Variants in CFAP97D2 observed in about 807,000 individuals in gnomAD.
CFAP97D2 encodes the protein CFAP97 domain containing 2, also known as uncharacterized protein CFAP97D2.
Position 114,211,808 on chromosome 13 carries a change from T to C in CFAP97D2, c.291-104T>C, listed in dbSNP as rs139247189. The C allele has an allele frequency of 9.4e-4, 375 of 397,580 alleles. 2 individuals carry two copies. Among genetic ancestry groups the C allele is most frequent in the African/African-American group, 7.0e-3 (341 of 48,738 alleles). 24.6% of individuals were successfully genotyped at this position (397,580 alleles called of 1,614,324 possible). A position where few individuals can be genotyped will look rare whatever the true frequency, so the allele number is the denominator to read the frequency against. On this transcript the variant is annotated intron_variant, in intron 3 of 4. Coordinates refer to ENST00000646158, the Ensembl canonical transcript of CFAP97D2. This position sits in a 1 kb window ranked among gnomAD's most constrained non-coding sequence, Gnocchi z 4.2. The stretch of plus-strand genomic sequence containing the variant: ...GTTCAGTGGGAAGCAGGAGCAACCC[T>C]CCACCCCGGGACCCCTTCCTGCTCT...
At chr13:114,180,087 G>A (rs1377270439) in intron 1 of CFAP97D2, among the ~76,000 whole-genome samples, 4 of 152,260 alleles carry the variant, frequency 2.6e-5, no homozygotes, top group Admixed American at 2.6e-4. Flanking sequence ...TCGCCATGCA[G>A]ATCTGAGGTG....
intron 4 of CFAP97D2, among the ~76,000 whole-genome samples, chr13:114,212,629 A>G (rs2080972570): frequency 6.6e-6 from 1 of 152,104 alleles, no homozygotes; most frequent in African/African-American, 2.4e-5. Context: ...GCGGGTGGAT[A>G]ACGATGTCAG....
chr13:114,180,078 C>T (rs765724512), intron 1 of CFAP97D2, among the ~76,000 whole-genome samples: 20 of 152,232 alleles, frequency 1.3e-4, no homozygotes, highest in African/African-American at 1.7e-4. Context: ...TTGAGGGCAT[C>T]GCCATGCAGA....
At chr13:114,195,028 A>T (rs1353569323) in intron 1 of CFAP97D2, among the ~76,000 whole-genome samples, 1 of 152,050 alleles carries the variant, frequency 6.6e-6, no homozygotes, top group African/African-American at 2.4e-5. Flanking sequence ...GGCATTCTTC[A>T]TGCCTTCCTT....
rs537233231 is a variant in CFAP97D2, at chr13:114,186,493, C to T, written c.90+7073C>T. 6.6e-6 allele frequency among the ~76,000 whole-genome samples: 1 copy of T among 152,330 alleles called. No individual in the cohort carries two copies. Among genetic ancestry groups the T allele is most frequent in the South Asian group, 2.1e-4 (1 of 4,826 alleles). ...TGGTGGGGCTAAAAGAGCTGCAACA[C>T]AAGCAGGGCTGAAACATGCCCCTTG... On this transcript the variant is annotated intron_variant, in intron 1 of 4. Transcript: ENST00000646158. The surrounding 1 kb of genome is among the most constrained non-coding windows in gnomAD (Gnocchi z 4.3).
At chr13:114,182,260 G>A (rs9562132) in intron 1 of CFAP97D2, among the ~76,000 whole-genome samples, 45,951 of 143,222 alleles carry the variant, frequency 0.32, 7,763 homozygotes, top group East Asian at 0.43. Flanking sequence ...GTTTCTCTCC[G>A]CCCAAACATC....
intron 1 of CFAP97D2, among the ~76,000 whole-genome samples, chr13:114,191,625 C>T (rs758630836): frequency 6.6e-6 from 1 of 152,192 alleles, no homozygotes; most frequent in Non-Finnish European, 1.5e-5. Context: ...GTAACAGGAA[C>T]TCATTCATTT....
At chr13:114,206,039 A>T (rs944456787) in intron 3 of CFAP97D2, among the ~76,000 whole-genome samples, 4 of 151,984 alleles carry the variant, frequency 2.6e-5, no homozygotes, top group Non-Finnish European at 5.9e-5. Context: ...AACAGCAGGG[A>T]AAGAGCAGGT....
Position 114,200,332 on chromosome 13 carries a change from AG to A in CFAP97D2, c.181del (p.Glu61AsnfsTer21), listed in dbSNP as rs2080911632. The stretch of plus-strand genomic sequence containing the variant: ...CTCCTTCTCTGTCCCCAGCTGGAGG[AG>A]GAACGGCTCTCCGTCATCGAGAGGG... On this transcript the variant is annotated frameshift_variant, in exon 3 of 5. Transcript: ENST00000646158. LOFTEE classifies it high-confidence loss of function. The A allele has an allele frequency of 1.8e-5, 7 of 398,352 alleles. No homozygotes were observed. The allele number at this position is 398,352 out of a possible 1,614,324, so 24.7% of individuals were successfully genotyped here. A position where few individuals can be genotyped will look rare whatever the true frequency, so the allele number is the denominator to read the frequency against.
chr13:114,210,855 T>C lies in CFAP97D2; in HGVS notation c.291-1057T>C, dbSNP rs202224401. 8.8e-3 allele frequency among the ~76,000 whole-genome samples: 1,275 copies of C among 144,968 alleles called. 13 individuals carry two copies. Among genetic ancestry groups the C allele is most frequent in the African/African-American group, 0.03 (1,186 of 39,462 alleles). ...AAATGAGAGAAGCACATTTCATTGA[T>C]ACACACACACACACACACACACACA... is the stretch of plus-strand genomic sequence containing the variant. On this transcript the variant is annotated intron_variant, in intron 3 of 4. Transcript: ENST00000646158.
chr13:114,188,673 A>G (rs1290175841), intron 1 of CFAP97D2, among the ~76,000 whole-genome samples: 1 of 150,902 alleles, frequency 6.6e-6, no homozygotes, highest in African/African-American at 2.4e-5. Context: ...GCTGCTTGGG[A>G]GGCTGAGGCA....
intron 1 of CFAP97D2, among the ~76,000 whole-genome samples, chr13:114,193,699 T>C (rs1257377735): frequency 6.6e-6 from 1 of 152,176 alleles, no homozygotes; most frequent in East Asian, 1.9e-4. Flanking sequence ...TCTTAGACTG[T>C]TTGGGCTGCT....
chr13:114,207,989 C>T lies in CFAP97D2; in HGVS notation c.291-3923C>T, dbSNP rs951500277. On this transcript the variant is annotated intron_variant, in intron 3 of 4. Transcript: ENST00000646158. The surrounding 1 kb of genome is among the most constrained non-coding windows in gnomAD (Gnocchi z 4.9). ...AATCAATGCATCTCCTTGGGTCACT[C>T]GGCAGTTTCAACATTCCATGGAGCT... 2.0e-5 allele frequency among the ~76,000 whole-genome samples: 3 copies of T among 152,096 alleles called. No homozygotes were observed. Among genetic ancestry groups the T allele is most frequent in the African/African-American group, 4.8e-5 (2 of 41,428 alleles).
At chr13:114,217,481 T>C (rs538774387) in intron 4 of CFAP97D2, among the ~76,000 whole-genome samples, 5 of 152,330 alleles carry the variant, frequency 3.3e-5, no homozygotes, top group African/African-American at 1.2e-4. Flanking sequence ...TCTGAAACTA[T>C]TCCAATCAAT....
rs1483496811 is a variant in CFAP97D2, at chr13:114,203,447, A to G, written c.290+3004A>G. On this transcript the variant is annotated intron_variant, in intron 3 of 4. Transcript: ENST00000646158. The surrounding 1 kb of genome is among the most constrained non-coding windows in gnomAD (Gnocchi z 4.3). ...ATGGAAAAATATCCCACGTGTATGG[A>G]TTCAGAAGTCTTGCTATATTAAGAT... Among the ~76,000 whole-genome samples, 2 of 152,248 alleles carry G rather than the reference A, an allele frequency of 1.3e-5. No homozygotes were observed. The highest frequency in any genetic ancestry group is 4.8e-5 in the African/African-American group (2 of 41,472).
intron 4 of CFAP97D2, among the ~76,000 whole-genome samples, chr13:114,220,641 G>T (rs1193035427): frequency 1.3e-5 from 2 of 152,240 alleles, no homozygotes; most frequent in Non-Finnish European, 2.9e-5. Context: ...CTAACTGGAA[G>T]TATGCATTGC....
chr13:114,184,797 A>T (rs2080849150), intron 1 of CFAP97D2, among the ~76,000 whole-genome samples: 1 of 152,230 alleles, frequency 6.6e-6, no homozygotes, highest in Non-Finnish European at 1.5e-5. Context: ...AAACCATCAG[A>T]GCAGGAATAA....
intron 1 of CFAP97D2, among the ~76,000 whole-genome samples, chr13:114,182,534 G>A (rs1306207717): frequency 6.6e-6 from 1 of 151,908 alleles, no homozygotes; most frequent in Non-Finnish European, 1.5e-5. Context: ...CATCCCACGA[G>A]GCCGTATTTC....
At chr13:114,184,847 GTTGA>G (rs2080849293) in intron 1 of CFAP97D2, among the ~76,000 whole-genome samples, 1 of 152,206 alleles carries the variant, frequency 6.6e-6, no homozygotes, top group Admixed American at 6.5e-5. Context: ...ATTATTCTTA[GTTGA>G]TCTAACAGAT....
Sources: allele counts gnomAD v4.1 joint callset (sites outside exome capture counted in the v4.1 genomes callset), GRCh38; gene constraint gnomAD v4.1.1; non-coding constraint Gnocchi (gnomAD v3.1); transcripts MANE v1.5; gene names NCBI Gene and HGNC (gene_info 2026-07-23, HGNC 2026-07-21).